MAPK8: variants seen among roughly 807,000 people sequenced by gnomAD.
MAPK8 encodes JUN N-terminal kinase.
In MAPK8, 13 loss-of-function variants were observed where a neutral mutation model predicts 52.9. The ratio of observed to expected loss-of-function variants is 0.25; its 90% CI spans 0.16 to 0.39. The LOEUF (loss-of-function observed/expected upper bound fraction) is 0.39, where lower values mean the gene tolerates loss of function less well. Among genes scored for constraint, MAPK8 ranks in the 10% least tolerant of loss-of-function variants. The probability of loss-of-function intolerance (pLI) is 1.00; values close to 1 mark genes in which losing one functional copy is unlikely to be tolerated. For synonymous variants in MAPK8, 191 were observed against 169.8 expected (o/e 1.12, Z -0.97); for missense variants, 300 against 519.2 (o/e 0.58, Z 4.10).
chr10:48,413,326 A>T (rs151169229), intron 5 of MAPK8, among the ~76,000 whole-genome samples: 87 of 152,324 alleles, frequency 5.7e-4, no homozygotes, highest in African/African-American at 2.0e-3. Context: ...TTGCCGGATC[A>T]CATGGTCATT....
chr10:48,348,335 G>C (rs1350887946), intron 1 of MAPK8, among the ~76,000 whole-genome samples: 1 of 152,192 alleles, frequency 6.6e-6, no homozygotes, highest in Non-Finnish European at 1.5e-5. Flanking sequence ...CGTTCTGTAG[G>C]TTGTCTATTC....
intron 1 of MAPK8, among the ~76,000 whole-genome samples, chr10:48,323,146 T>C (rs751738428): frequency 1.3e-5 from 2 of 152,016 alleles, no homozygotes; most frequent in Non-Finnish European, 2.9e-5. Flanking sequence ...GGAATAGAAA[T>C]GGGAGGGAAA....
intron 10 of MAPK8, 105 bp downstream of exon 10, chr10:48,427,248 C>T: frequency 1.5e-6 from 1 of 687,356 alleles, no homozygotes. Context: ...ATATGCATAA[C>T]CGAAATGTGG....
chr10:48,386,844 T>C (rs2041342165), intron 1 of MAPK8, among the ~76,000 whole-genome samples: 1 of 152,216 alleles, frequency 6.6e-6, no homozygotes, highest in Non-Finnish European at 1.5e-5. Flanking sequence ...GTACTTACTT[T>C]ACTGCCAAGG....
At chr10:48,382,918 A>ATG (rs935520337) in intron 1 of MAPK8, among the ~76,000 whole-genome samples, 10 of 43,584 alleles carry the variant, frequency 2.3e-4, no homozygotes, top group Non-Finnish European at 6.4e-4. Context: ...ATATATATAT[A>ATG]TGTATATATA....
chr10:48,415,339 G>A (rs1358788014), intron 5 of MAPK8, among the ~76,000 whole-genome samples: 1 of 151,998 alleles, frequency 6.6e-6, no homozygotes, highest in Non-Finnish European at 1.5e-5. Context: ...CAAATAGAAA[G>A]GTTCCAGATT....
chr10:48,317,569 G>T (rs1197377725), intron 1 of MAPK8, among the ~76,000 whole-genome samples: 1 of 152,190 alleles, frequency 6.6e-6, no homozygotes, highest in Non-Finnish European at 1.5e-5. Context: ...GAAATGGGTT[G>T]GTGGATAAAG....
chr10:48,309,688 A>C (rs2132051841), intron 1 of MAPK8, among the ~76,000 whole-genome samples: 1 of 152,334 alleles, frequency 6.6e-6, no homozygotes, highest in South Asian at 2.1e-4. Flanking sequence ...GAGGTTGTTG[A>C]ATAGGAGCCT....
chr10:48,328,604 T>G (rs7101060), intron 1 of MAPK8, among the ~76,000 whole-genome samples: 76,656 of 152,148 alleles, frequency 0.5, 19,928 homozygotes, highest in Middle Eastern at 0.72. Context: ...GATTGCTCAC[T>G]TCTTTCATCT....
intron 1 of MAPK8, among the ~76,000 whole-genome samples, chr10:48,397,612 ACAGAGT>A (rs1464898456): frequency 1.3e-5 from 2 of 151,902 alleles, no homozygotes; most frequent in Non-Finnish European, 2.9e-5. Flanking sequence ...TTTTTTTGAG[ACAGAGT>A]CTCATTCTGT....
rs2045105331 is a variant in MAPK8, at chr10:48,439,228, T to C, written c.*4199T>C. 6.6e-6 allele frequency: 1 copy of C among 150,778 alleles called. No individual in the cohort carries two copies. The highest frequency in any genetic ancestry group is 1.5e-5 in the Non-Finnish European group (1 of 67,808). 9.3% of individuals were successfully genotyped at this position (150,778 alleles called of 1,614,324 possible). A position where few individuals can be genotyped will look rare whatever the true frequency, so the allele number is the denominator to read the frequency against. On this transcript the variant is annotated 3_prime_UTR_variant, in exon 12 of 12. Coordinates refer to ENST00000374189, the MANE Select transcript of MAPK8 (RefSeq NM_001323329.2). ...ACTTTTTAGGGAATGCTGAGATCATTATTGTGGTTTTTCATCATTCATGCC... is the reference window on the plus strand; with the variant it reads ...ACTTTTTAGGGAATGCTGAGATCATCATTGTGGTTTTTCATCATTCATGCC...
Position 48,404,901 on chromosome 10 carries a change from A to G in MAPK8, c.172A>G (p.Ser58Gly), listed in dbSNP as rs1157307365. 1 of 1,611,108 alleles carries G rather than the reference A, an allele frequency of 6.2e-7. No homozygotes were observed. The change falls in exon 3 of 12, where the codon AGC becomes GGC. Residue 58 changes from serine (S) to glycine (G), a missense_variant. Physicochemically the swap from Ser to Gly is moderately conservative, Grantham distance 56. Transcript: ENST00000374189. ...AAGAAATGTTGCAATCAAGAAGCTA[A>G]GCCGACCATTTCAGAATCAGACTCA... ...LERNVAIKKL[S>G]RPFQNQTHAK...
intron 1 of MAPK8, among the ~76,000 whole-genome samples, chr10:48,356,569 T>G (rs1046944840): frequency 1.3e-5 from 2 of 152,084 alleles, no homozygotes; most frequent in African/African-American, 4.8e-5. Flanking sequence ...TGGCCTGGCA[T>G]GATGGCTCAC....
Position 48,314,674 on chromosome 10 carries a change from C to G in MAPK8, c.-50+7853C>G, listed in dbSNP as rs80091079. On this transcript the variant is annotated intron_variant, in intron 1 of 11. Coordinates refer to ENST00000374189, the MANE Select transcript of MAPK8 (RefSeq NM_001323329.2). The stretch of plus-strand genomic sequence containing the variant: ...CAGCACTGTGTAAGGATGCCTGCTT[C>G]TTATTACCCTTAGACGTCTTTCATC... 3.0e-4 allele frequency among the ~76,000 whole-genome samples: 45 copies of G among 152,234 alleles called. No individual in the cohort carries two copies. The East Asian group carries it at 8.5e-3, about 29-fold the overall frequency.
intron 1 of MAPK8, among the ~76,000 whole-genome samples, chr10:48,320,211 CTTTTTTTTTTTTT>C (rs71026206): frequency 0.011 from 403 of 35,348 alleles, 15 homozygotes; most frequent in East Asian, 0.032. Flanking sequence ...ACTGCTCGGC[CTTTTTTTTTTTTT>C]TTTTTTTTTT....
rs1411630405 is a variant in MAPK8 at position 48,395,878 on chromosome 10, G to A, written c.-49-5734G>A. 2.6e-5 allele frequency among the ~76,000 whole-genome samples: 4 copies of A among 151,990 alleles called. No individual in the cohort carries two copies. The East Asian group carries it at 7.7e-4, about 29-fold the overall frequency. ...CAAAGATGCAAAAGTAATTCAGTGG[G>A]GAGAAATGATGCTTTTTGCAACAAA... is the stretch of plus-strand genomic sequence containing the variant. On this transcript the variant is annotated intron_variant, in intron 1 of 11. Coordinates refer to ENST00000374189, the MANE Select transcript of MAPK8 (RefSeq NM_001323329.2).
chr10:48,438,450 C>G lies in MAPK8; in HGVS notation c.*3421C>G, dbSNP rs958620722. 2 of 152,254 alleles carry G rather than the reference C, an allele frequency of 1.3e-5. No homozygotes were observed. Among genetic ancestry groups the G allele is most frequent in the Non-Finnish European group, 2.9e-5 (2 of 68,042 alleles). The allele number at this position is 152,254 out of a possible 1,614,324, so 9.4% of individuals were successfully genotyped here. On this transcript the variant is annotated 3_prime_UTR_variant, in exon 12 of 12. Coordinates refer to ENST00000374189, the MANE Select transcript of MAPK8 (RefSeq NM_001323329.2). ...GGAAAACAGAAGTCCTAATTTCAAACTGACTGCTCTTCGTTAAGTGCTCTT... is the reference window on the plus strand; with the variant it reads ...GGAAAACAGAAGTCCTAATTTCAAAGTGACTGCTCTTCGTTAAGTGCTCTT...
intron 6 of MAPK8, among the ~76,000 whole-genome samples, chr10:48,422,424 A>G (rs1241137069): frequency 6.6e-6 from 1 of 152,162 alleles, no homozygotes; most frequent in Non-Finnish European, 1.5e-5. Context: ...TATATTTTTA[A>G]CTGCTTAATA....
chr10:48,418,902 T>C (rs1222680295), intron 5 of MAPK8, among the ~76,000 whole-genome samples: 1 of 152,232 alleles, frequency 6.6e-6, no homozygotes, highest in Non-Finnish European at 1.5e-5. Flanking sequence ...AATCTGCTAG[T>C]ATAAAGAGCC....
Sources: gnomAD v4.1 joint callset for allele counts (sites outside exome capture counted in the v4.1 genomes callset) on GRCh38, gnomAD v4.1.1 for gene constraint, MANE v1.5 for transcripts, NCBI Gene and HGNC (gene_info 2026-07-23, HGNC 2026-07-21) for gene names.